The following NOX4 variants were observed in gnomAD, a reference collection of about 807,000 sequenced individuals.
The protein encoded by NOX4 is NADPH oxidase 4, also known as kidney oxidase-1.
A neutral mutation model predicts 87.6 loss-of-function variants in NOX4; 69 were observed. The ratio of observed to expected loss-of-function variants is 0.79; its 90% CI spans 0.65 to 0.96. The LOEUF is 0.96. NOX4 is among the 40% of genes least tolerant of loss of function. The pLI, the probability that NOX4 is intolerant of heterozygous loss-of-function variation, is 0.00. For missense variants in NOX4, 680 were observed against 681.5 expected, an observed-to-expected ratio of 1.00 and a Z score of 0.02; for synonymous variants, 275 against 238.2, an observed-to-expected ratio of 1.15 and a Z score of -1.42.
intron 15 of NOX4, 84 bp downstream of exon 15, chr11:89,339,979 C>T: frequency 1.5e-6 from 1 of 653,130 alleles, no homozygotes; most frequent in Non-Finnish European, 2.6e-6. Context: ...TATTCTATGG[C>T]AAGCATTTAT....
intron 13 of NOX4, among the ~76,000 whole-genome samples, chr11:89,350,330 T>C (rs1481691561): frequency 6.6e-6 from 1 of 152,240 alleles, no homozygotes; most frequent in Non-Finnish European, 1.5e-5. Flanking sequence ...AACTAGTCAG[T>C]TCTCTTCATG....
chr11:89,421,676 A>G (rs1036878652), intron 8 of NOX4, among the ~76,000 whole-genome samples: 1 of 152,150 alleles, frequency 6.6e-6, no homozygotes, highest in African/African-American at 2.4e-5. Flanking sequence ...TGGAGAGGTA[A>G]TTCTAGCTTT....
At chr11:89,573,614 T>G in the NOX4 span, among the ~76,000 whole-genome samples, 1 of 152,196 alleles carries the variant, frequency 6.6e-6, no homozygotes, top group African/African-American at 2.4e-5. Flanking sequence ...CAACCTGAAT[T>G]CTTACCTCCT....
the NOX4 span, among the ~76,000 whole-genome samples, chr11:89,568,907 C>T: frequency 6.6e-6 from 1 of 152,086 alleles, no homozygotes; most frequent in Non-Finnish European, 1.5e-5. Flanking sequence ...CAAAAACAAG[C>T]AATGGTAAAT....
the NOX4 span, among the ~76,000 whole-genome samples, chr11:89,523,922 C>A: frequency 6.6e-6 from 1 of 152,080 alleles, no homozygotes; most frequent in African/African-American, 2.4e-5. Context: ...TTTAAAAATA[C>A]AAGCTAATCC....
Position 89,337,461 on chromosome 11 carries a change from T to C in NOX4, c.1501A>G (p.Thr501Ala), listed in dbSNP as rs1945765061. The change falls in exon 16 of 18, where the codon ACA becomes GCA. Residue 501 changes from threonine (T) to alanine (A), a missense_variant. Coordinates refer to ENST00000263317, the MANE Select transcript of NOX4 (RefSeq NM_016931.5). ...YVNIQLYLSQ[T>A]DGIQKIIGEK... ...CAACCACATACCTGTATCCCATCTG[T>C]TTGACTGAGGTACAGCTGGATGTTG... is the stretch of plus-strand genomic sequence containing the variant. 4 of 1,612,218 alleles carry C rather than the reference T, an allele frequency of 2.5e-6. No homozygotes were observed. The highest frequency in any genetic ancestry group is 3.4e-6 in the Non-Finnish European group (4 of 1,178,784).
rs1422491729 is a variant in NOX4, at chr11:89,333,796, T to C, written c.1616+2049A>G. 2.0e-5 allele frequency among the ~76,000 whole-genome samples: 3 copies of C among 151,914 alleles called. No individual in the cohort carries two copies. The East Asian group carries it at 5.8e-4, about 29-fold the overall frequency. On this transcript the variant is annotated intron_variant, in intron 17 of 17. Coordinates refer to ENST00000263317, the MANE Select transcript of NOX4 (RefSeq NM_016931.5). ...AATGTTGATCCATTCTTTTCCTAAG[T>C]ATGCTACATAAAAATCCTTCAGAAA... is the stretch of plus-strand genomic sequence containing the variant.
chr11:89,566,288 G>T, the NOX4 span, among the ~76,000 whole-genome samples: 872 of 151,826 alleles, frequency 5.7e-3, 9 homozygotes, highest in African/African-American at 0.02. Flanking sequence ...TGTGCTCCCC[G>T]CCCTTTGCCT....
chr11:89,446,095 C>G (rs1944688792), intron 4 of NOX4, among the ~76,000 whole-genome samples: 1 of 152,030 alleles, frequency 6.6e-6, no homozygotes, highest in African/African-American at 2.4e-5. Flanking sequence ...ATACAGATGG[C>G]AAACAAGCAC....
chr11:89,461,161 G>T (rs1945443953), intron 2 of NOX4, among the ~76,000 whole-genome samples: 1 of 152,018 alleles, frequency 6.6e-6, no homozygotes, highest in Non-Finnish European at 1.5e-5. Flanking sequence ...CCTGTTGTGG[G>T]GTGGGGGGAG....
intron 13 of NOX4, among the ~76,000 whole-genome samples, chr11:89,351,925 A>G (rs1946472892): frequency 6.6e-6 from 1 of 152,198 alleles, no homozygotes; most frequent in Non-Finnish European, 1.5e-5. Flanking sequence ...ACTGTTCAGG[A>G]ACAAAAAAGA....
chr11:89,384,212 T>C (rs1241063077), intron 11 of NOX4, among the ~76,000 whole-genome samples: 1 of 152,086 alleles, frequency 6.6e-6, no homozygotes. Flanking sequence ...ACAACCCCTC[T>C]ACAACCCATT....
intron 1 of NOX4, 64 bp from the exon 2 acceptor site, chr11:89,490,617 G>A (rs1946812391): frequency 5.3e-6 from 6 of 1,138,370 alleles, no homozygotes; most frequent in African/African-American, 1.5e-5. Context: ...CTGATGAATA[G>A]AAACCACAGG....
intron 8 of NOX4, among the ~76,000 whole-genome samples, chr11:89,416,280 A>G (rs2084698578): frequency 6.6e-6 from 1 of 152,170 alleles, no homozygotes; most frequent in South Asian, 2.1e-4. Flanking sequence ...CAGTACTAGA[A>G]TAGGATTGTT....
At chr11:89,336,070 T>C (rs1348959809) in intron 16 of NOX4, 125 bp from the exon 17 acceptor site, 1 of 501,472 alleles carries the variant, frequency 2.0e-6, no homozygotes, top group Non-Finnish European at 3.6e-6. Flanking sequence ...AAGTATCAAA[T>C]GGCAACCTAT....
the NOX4 span, among the ~76,000 whole-genome samples, chr11:89,561,086 T>TATATATATATATATATATATAC: frequency 9.0e-6 from 1 of 110,932 alleles, no homozygotes; most frequent in Non-Finnish European, 1.8e-5. Flanking sequence ...TATATATATA[T>TATATATATATATATATATATAC]CCTATCAGTT....
chr11:89,519,502 G>A, the NOX4 span, among the ~76,000 whole-genome samples: 1 of 151,980 alleles, frequency 6.6e-6, no homozygotes, highest in African/African-American at 2.4e-5. Context: ...TATTTTGTAA[G>A]ATCTATGAGA....
intron 8 of NOX4, 129 bp from the exon 9 acceptor site, chr11:89,402,671 T>C: frequency 1.4e-6 from 1 of 712,916 alleles, no homozygotes; most frequent in Non-Finnish European, 2.3e-6. Context: ...ATCCAAAAAG[T>C]GTTCCTTATG....
chr11:89,573,400 G>C, the NOX4 span, among the ~76,000 whole-genome samples: 2 of 152,138 alleles, frequency 1.3e-5, no homozygotes, highest in East Asian at 1.9e-4. Context: ...TTAGCCAGGC[G>C]TGGTGGCGGA....
Sources: gnomAD v4.1 joint callset for allele counts (sites outside exome capture counted in the v4.1 genomes callset) on GRCh38, gnomAD v4.1.1 for gene constraint, MANE v1.5 for transcripts, NCBI Gene and HGNC (gene_info 2026-07-23, HGNC 2026-07-21) for gene names.